Variants in STMN1 observed in about 807,000 individuals in gnomAD.
The protein encoded by STMN1 is stathmin 1.
Under a neutral mutation model 19.7 loss-of-function variants are expected in STMN1, and 3 were observed. That is an observed-to-expected ratio of 0.15 (90% confidence interval 0.07 to 0.39). The LOEUF (loss-of-function observed/expected upper bound fraction) is 0.39. Ranked by LOEUF, STMN1 falls within the 10% of genes least tolerant of loss-of-function variation. The pLI is 1.00. For synonymous variants in STMN1, 59 were observed against 58.9 expected (o/e 1.00, Z -0.01); for missense variants, 99 against 176.0 (o/e 0.56, Z 2.48).
chr1:25,891,036 T>C (rs901078665), intron 4 of STMN1, among the ~76,000 whole-genome samples: 7 of 152,102 alleles, frequency 4.6e-5, no homozygotes, highest in African/African-American at 1.7e-4. Context: ...AAGGTTGTTT[T>C]AAGGATTCAA....
downstream of STMN1, among the ~76,000 whole-genome samples, chr1:25,895,657 G>C (rs1259422100): frequency 2.0e-5 from 3 of 152,244 alleles, no homozygotes; most frequent in Non-Finnish European, 2.9e-5. Flanking sequence ...AGATCTGTCA[G>C]CTTTTTTCAA....
Position 25,901,027 on chromosome 1 carries a change from C to T in STMN1, c.439G>A (p.Glu147Lys). 1 of 1,610,578 alleles carries T rather than the reference C, an allele frequency of 6.2e-7. No individual in the cohort carries two copies. The highest frequency in any genetic ancestry group is 8.5e-7 in the Non-Finnish European group (1 of 1,178,558). ...KESKDPADET[E>K]AD The stretch of plus-strand genomic sequence containing the variant: ...GTTCTCAGAACAAATTAGTCAGCTT[C>T]AGTCTCGTCAGCAGGGTCTTTGGAT... Residue 147 changes from glutamate to lysine, a missense_variant, in exon 5 of 5, where the codon GAA becomes AAA. Coordinates refer to ENST00000455785, the MANE Select transcript of STMN1 (RefSeq NM_005563.4).
chr1:25,898,053 C>T (rs1241421199), downstream of STMN1, among the ~76,000 whole-genome samples: 1 of 152,170 alleles, frequency 6.6e-6, no homozygotes, highest in East Asian at 1.9e-4. Context: ...CTCCAGTCAA[C>T]TCACCCTGCC....
chr1:25,898,177 C>A (rs2048836526), downstream of STMN1, among the ~76,000 whole-genome samples: 1 of 149,700 alleles, frequency 6.7e-6, no homozygotes. Flanking sequence ...GGGGGCCTGC[C>A]TGGAGGGCCT....
At chr1:25,892,672 A>C (rs2124232125) in intron 4 of STMN1, 2 of 905,058 alleles carry the variant, frequency 2.2e-6, no homozygotes, top group Non-Finnish European at 2.6e-6. Flanking sequence ...CTCTAAACCA[A>C]ACGCCCCCGG....
At chr1:25,897,005 G>A (rs2048823170), downstream of STMN1, among the ~76,000 whole-genome samples, 1 of 152,182 alleles carries the variant, frequency 6.6e-6, no homozygotes, top group African/African-American at 2.4e-5. Context: ...ATCCAAAGGG[G>A]GAAGCTTTTC....
intron 4 of STMN1, chr1:25,885,876 G>GA (rs1379055776): frequency 4.6e-6 from 7 of 1,537,240 alleles, no homozygotes; most frequent in Non-Finnish European, 6.1e-6. Context: ...ACATCTGGAA[G>GA]AAAAAGAAAA....
At position 25,903,769 on chromosome 1, in the gene STMN1, A is replaced by G. The variant is rs1461300338; in HGVS notation, c.58T>C (p.Phe20Leu). Residue 20 changes from phenylalanine to leucine, a missense_variant, in exon 3 of 5, where the codon TTT becomes CTT. Physicochemically the swap from Phe to Leu is conservative, Grantham distance 22. Transcript: ENST00000455785. ...GACCGAGGGCTGAGAATCAGCTCAA[A>G]AGCCTGGCCTGAGGCACGCTTCTCC... Reference protein sequence around the residue: ...ELEKRASGQAFELILSPRSKE... With the variant: ...ELEKRASGQALELILSPRSKE... The G allele has an allele frequency of 6.2e-7, 1 of 1,613,740 alleles. No individual in the cohort carries two copies. Among genetic ancestry groups the G allele is most frequent in the Non-Finnish European group, 8.5e-7 (1 of 1,180,012 alleles).
In STMN1 at chr1:25,903,630, G is replaced by A. The variant is rs777224981; in HGVS notation, c.186+11C>T. 3 of 1,610,232 alleles carry A rather than the reference G, an allele frequency of 1.9e-6. No homozygotes were observed. Among genetic ancestry groups the A allele is most frequent in the Non-Finnish European group, 2.5e-6 (3 of 1,179,494 alleles). On this transcript the variant is annotated intron_variant, in intron 3 of 4. Coordinates refer to ENST00000455785, the MANE Select transcript of STMN1 (RefSeq NM_005563.4). ...ATTAATATCCTGCTTTCTGTGAATTGCTTCGTTTACCTTGCGTCTTTCTTC... is the reference window on the plus strand; with the variant it reads ...ATTAATATCCTGCTTTCTGTGAATTACTTCGTTTACCTTGCGTCTTTCTTC...
intron 3 of STMN1, 106 bp downstream of exon 3, chr1:25,903,535 T>C (rs2048899831): frequency 6.9e-7 from 1 of 1,442,244 alleles, no homozygotes; most frequent in Non-Finnish European, 9.5e-7. Flanking sequence ...GCATATGTAA[T>C]AATCACAGTG....
intron 4 of STMN1, among the ~76,000 whole-genome samples, chr1:25,886,808 G>T (rs1057158575): frequency 6.6e-6 from 1 of 151,826 alleles, no homozygotes; most frequent in Non-Finnish European, 1.5e-5. Context: ...GGATCGTTTC[G>T]ATCTCTTGAA....
At chr1:25,901,117 C>CAAAAA (rs58316569) in intron 4 of STMN1, 30 bp from the exon 5 acceptor site, 82 of 1,204,894 alleles carry the variant, frequency 6.8e-5, no homozygotes, top group Admixed American at 3.0e-4. Flanking sequence ...TGTCATCAGT[C>CAAAAA]AAAAAAAAAA....
chr1:25,894,350 C>T (rs1032515417), intron 4 of STMN1, among the ~76,000 whole-genome samples: 8 of 151,950 alleles, frequency 5.3e-5, no homozygotes, highest in African/African-American at 1.9e-4. Flanking sequence ...CCTGAGGGGT[C>T]TCTGCCTAGG....
intron 3 of STMN1, chr1:25,903,138 T>G (rs1205230200): frequency 6.6e-6 from 1 of 152,164 alleles, no homozygotes; most frequent in Non-Finnish European, 1.5e-5. Context: ...TTAAAGATAG[T>G]TACTTTATAA....
intron 4 of STMN1, among the ~76,000 whole-genome samples, chr1:25,890,854 C>T (rs1390760134): frequency 6.6e-6 from 1 of 152,038 alleles, no homozygotes; most frequent in African/African-American, 2.4e-5. Context: ...CCATATTGAG[C>T]CCCATGAATT....
intron 4 of STMN1, among the ~76,000 whole-genome samples, chr1:25,887,920 C>T (rs958430231): frequency 3.3e-5 from 5 of 152,160 alleles, no homozygotes; most frequent in African/African-American, 1.2e-4. Flanking sequence ...CTCTTGACTT[C>T]GTGATCCACC....
downstream of STMN1, among the ~76,000 whole-genome samples, chr1:25,895,820 G>A (rs2048814362): frequency 2.0e-5 from 3 of 152,322 alleles, no homozygotes; most frequent in Admixed American, 1.3e-4. Context: ...ATTAAGGATT[G>A]TGCACCTCAG....
intron 2 of STMN1, 123 bp from the exon 3 acceptor site, chr1:25,903,936 T>A: frequency 9.2e-7 from 1 of 1,082,908 alleles, no homozygotes; most frequent in East Asian, 2.7e-5. Flanking sequence ...AGGAAAGTTG[T>A]GTTTTTTTTC....
chr1:25,904,474 C>T (rs2048914187), intron 2 of STMN1, among the ~76,000 whole-genome samples, 190 bp downstream of exon 2: 1 of 152,220 alleles, frequency 6.6e-6, no homozygotes, highest in Admixed American at 6.5e-5. Flanking sequence ...CTAAGCCAAA[C>T]TGTCCAATAA....
Sources: allele counts gnomAD v4.1 joint callset (sites outside exome capture counted in the v4.1 genomes callset), GRCh38; gene constraint gnomAD v4.1.1; transcripts MANE v1.5; gene names NCBI Gene and HGNC (gene_info 2026-07-23, HGNC 2026-07-21).